ECT2: variants seen among roughly 807,000 people sequenced by gnomAD.
ECT2 encodes protein ECT2.
A neutral mutation model predicts 116.9 loss-of-function variants in ECT2; 61 were observed. The ratio of observed to expected loss-of-function variants is 0.52; its 90% CI spans 0.42 to 0.65. ECT2 has a LOEUF of 0.65. ECT2 is among the 30% of genes least tolerant of loss of function. ECT2 has a pLI of 0.00. For synonymous variants in ECT2, 358 were observed against 346.4 expected (o/e 1.03, Z -0.37); for missense variants, 937 against 1,078.7 (o/e 0.87, Z 1.84).
rs76170877 is a variant in ECT2 at position 172,794,525 on chromosome 3, A to G, written c.1907+7951A>G. Among the ~76,000 whole-genome samples the G allele has an allele frequency of 1.1e-4, 16 of 152,300 alleles. No individual in the cohort carries two copies. In the East Asian group the frequency reaches 3.1e-3, roughly 29 times the overall value. ...ACTTTAAGTTTTGAAATTGGGAAGT[A>G]TGTGTCTTCCAACTTTGTTCTTTTT... On this transcript the variant is annotated intron_variant, in intron 18 of 24. Coordinates refer to ENST00000392692, the MANE Select transcript of ECT2 (RefSeq NM_001258315.2).
chr3:172,828,471 C>G, the ECT2 span, among the ~76,000 whole-genome samples: 1 of 151,862 alleles, frequency 6.6e-6, no homozygotes, highest in African/African-American at 2.4e-5. Context: ...TAATCAGATA[C>G]AAGGTTTATT....
At chr3:172,758,534 A>G (rs1717549767) in intron 5 of ECT2, among the ~76,000 whole-genome samples, 1 of 151,840 alleles carries the variant, frequency 6.6e-6, no homozygotes, top group Admixed American at 6.6e-5. Context: ...GAATATCACC[A>G]TTTATTAGCT....
chr3:172,822,143 A>G (rs1730722786), downstream of ECT2, among the ~76,000 whole-genome samples: 2 of 151,992 alleles, frequency 1.3e-5, no homozygotes, highest in African/African-American at 4.8e-5. Context: ...ATCCAAGGTT[A>G]GTTCAATATC....
intron 14 of ECT2, among the ~76,000 whole-genome samples, 162 bp downstream of exon 14, chr3:172,774,184 A>T (rs1296173467): frequency 6.6e-6 from 1 of 151,960 alleles, no homozygotes; most frequent in African/African-American, 2.4e-5. Flanking sequence ...CCAGTGCCTC[A>T]TAATGTTTGT....
downstream of ECT2, among the ~76,000 whole-genome samples, chr3:172,823,086 A>C (rs1403909952): frequency 6.6e-6 from 1 of 152,106 alleles, no homozygotes; most frequent in Admixed American, 6.6e-5. Flanking sequence ...AGAAAAATAA[A>C]TGGAGAGCGC....
chr3:172,824,079 G>C (rs941903341), downstream of ECT2, among the ~76,000 whole-genome samples: 4 of 152,224 alleles, frequency 2.6e-5, no homozygotes, highest in South Asian at 6.2e-4. Flanking sequence ...CTATCTAGCA[G>C]CAAAGGCTTA....
chr3:172,788,279 G>T (rs1723966797), intron 18 of ECT2, among the ~76,000 whole-genome samples: 1 of 152,058 alleles, frequency 6.6e-6, no homozygotes, highest in African/African-American at 2.4e-5. Flanking sequence ...AACTAAAAAA[G>T]CCTCCTAAAA....
chr3:172,762,557 G>T lies in ECT2; in HGVS notation c.889+11G>T. The T allele has an allele frequency of 6.3e-7, 1 of 1,588,152 alleles. No homozygotes were observed. Among genetic ancestry groups the T allele is most frequent in the Non-Finnish European group, 8.5e-7 (1 of 1,173,428 alleles). On this transcript the variant is annotated intron_variant, in intron 9 of 24. Coordinates refer to ENST00000392692, the MANE Select transcript of ECT2 (RefSeq NM_001258315.2). ...TGACTGAAATGCAAGGTAAAATTTA[G>T]CATAATGTAAAAGTTATATCTATTT...
intron 18 of ECT2, among the ~76,000 whole-genome samples, chr3:172,796,261 T>C (rs984944224): frequency 1.2e-4 from 18 of 152,296 alleles, no homozygotes; most frequent in Admixed American, 1.1e-3. Context: ...GGTTTATGTG[T>C]GATCAGGTTG....
intron 12 of ECT2, among the ~76,000 whole-genome samples, chr3:172,767,998 TTGGGATTACAGGAG>T (rs1719843249): frequency 1.3e-5 from 2 of 152,106 alleles, no homozygotes; most frequent in South Asian, 4.2e-4. Flanking sequence ...TCCCAAAGCG[TTGGGATTACAGGAG>T]TGAGCCACCG....
intron 18 of ECT2, 56 bp from the exon 19 acceptor site, chr3:172,802,560 G>A: frequency 9.2e-7 from 1 of 1,089,128 alleles, no homozygotes. Context: ...CATGAGTTGT[G>A]TTTGTTGTAG....
At chr3:172,793,382 C>T (rs1466122696) in intron 18 of ECT2, among the ~76,000 whole-genome samples, 1 of 151,912 alleles carries the variant, frequency 6.6e-6, no homozygotes, top group Non-Finnish European at 1.5e-5. Flanking sequence ...CCAAGTTGGC[C>T]TCGATCTCCT....
chr3:172,777,050 T>C (rs1319787487), intron 14 of ECT2, among the ~76,000 whole-genome samples: 3 of 152,002 alleles, frequency 2.0e-5, no homozygotes, highest in Admixed American at 6.6e-5. Flanking sequence ...TTTTGTATTT[T>C]TAGTGGAGGT....
downstream of ECT2, among the ~76,000 whole-genome samples, chr3:172,823,695 A>C (rs1344169227): frequency 6.6e-6 from 1 of 152,186 alleles, no homozygotes; most frequent in Non-Finnish European, 1.5e-5. Context: ...ATTAAGTGCA[A>C]TAGCATTATG....
chr3:172,792,406 A>G (rs1038806935), intron 18 of ECT2, among the ~76,000 whole-genome samples: 1 of 151,478 alleles, frequency 6.6e-6, no homozygotes, highest in Non-Finnish European at 1.5e-5. Flanking sequence ...AGGGATGCCT[A>G]TATGCACTTT....
chr3:172,789,786 C>CT (rs1270386951), intron 18 of ECT2, among the ~76,000 whole-genome samples: 2 of 152,236 alleles, frequency 1.3e-5, no homozygotes, highest in South Asian at 2.1e-4. Context: ...TAAGAAGCAG[C>CT]TTTTTTATCT....
intron 18 of ECT2, among the ~76,000 whole-genome samples, chr3:172,797,330 C>G (rs1265820279): frequency 6.6e-6 from 1 of 152,044 alleles, no homozygotes; most frequent in Non-Finnish European, 1.5e-5. Context: ...CCACCATGCC[C>G]TGCGGGAGGT....
Position 172,754,591 on chromosome 3 carries a change from A to G in ECT2, c.61A>G (p.Ile21Val). The change falls in exon 2 of 25, where the codon ATT (isoleucine) becomes GTT (valine). Residue 21 changes from isoleucine (I) to valine (V), a missense_variant. Physicochemically the swap from Ile to Val is conservative, Grantham distance 29. Transcript: ENST00000392692. The part of the protein sequence containing the change: ...TGRTSLADSS[I>V]FDSKVTEISK... ...GAGGACTAGCTTGGCAGACTCTTCC[A>G]TTTTTGATTCTAAAGTTACTGAGAT... 6.2e-7 allele frequency: 1 copy of G among 1,611,894 alleles called. No individual in the cohort carries two copies. Among genetic ancestry groups the G allele is most frequent in the Non-Finnish European group, 8.5e-7 (1 of 1,178,714 alleles).
chr3:172,772,674 A>AAT (rs1226604631), intron 13 of ECT2, among the ~76,000 whole-genome samples: 2 of 152,198 alleles, frequency 1.3e-5, no homozygotes, highest in South Asian at 2.1e-4. Context: ...ATCATATATG[A>AAT]GAACTCTTTA....
Sources: allele counts gnomAD v4.1 joint callset (sites outside exome capture counted in the v4.1 genomes callset), GRCh38; gene constraint gnomAD v4.1.1; transcripts MANE v1.5; gene names NCBI Gene and HGNC (gene_info 2026-07-23, HGNC 2026-07-21).